The following ARHGAP20 variants were observed in gnomAD, a reference collection of about 807,000 sequenced individuals.
The protein encoded by ARHGAP20 is Rho GTPase activating protein 20.
A neutral mutation model predicts 73.7 loss-of-function variants in ARHGAP20; 34 were observed. The observed-to-expected ratio is 0.46, with a 90% CI of 0.35 to 0.61. The LOEUF (loss-of-function observed/expected upper bound fraction) is 0.61, where lower values mean the gene tolerates loss of function less well. Among genes scored for constraint, ARHGAP20 ranks in the 20% least tolerant of loss-of-function variants. The pLI is 0.00. For missense variants in ARHGAP20, 1,314 were observed against 1,420.9 expected, an observed-to-expected ratio of 0.92 and a Z score of 1.21; for synonymous variants, 523 against 518.2, an observed-to-expected ratio of 1.01 and a Z score of -0.13.
intron 14 of ARHGAP20, 37 bp downstream of exon 14, chr11:110,582,284 T>TA: frequency 6.7e-7 from 1 of 1,488,942 alleles, no homozygotes; most frequent in East Asian, 2.3e-5. Context: ...ACCATGTGTC[T>TA]GTTTCTCACA....
At chr11:110,682,202 G>C (rs1591173167) in intron 2 of ARHGAP20, among the ~76,000 whole-genome samples, 2 of 152,232 alleles carry the variant, frequency 1.3e-5, no homozygotes, top group East Asian at 3.9e-4. Flanking sequence ...GGTCTTCAAA[G>C]AGTCTCTCTA....
At chr11:110,672,570 G>A (rs780774028) in intron 2 of ARHGAP20, among the ~76,000 whole-genome samples, 3 of 151,652 alleles carry the variant, frequency 2.0e-5, no homozygotes, top group Non-Finnish European at 4.4e-5. Flanking sequence ...TCAGCCTCCC[G>A]AGTAGCTGGG....
intron 11 of ARHGAP20, among the ~76,000 whole-genome samples, chr11:110,589,919 G>C (rs1947778287): frequency 6.6e-6 from 1 of 152,128 alleles, no homozygotes; most frequent in South Asian, 2.1e-4. Flanking sequence ...TCAGGAATTA[G>C]AGACCAGCTG....
intron 12 of ARHGAP20, among the ~76,000 whole-genome samples, chr11:110,585,406 G>A (rs1163429697): frequency 5.3e-5 from 8 of 150,102 alleles, no homozygotes; most frequent in South Asian, 2.2e-4. Context: ...TTTGTTAAAC[G>A]GCCTTGGTTT....
In ARHGAP20 at chr11:110,583,562, C is replaced by T. The variant is rs374173338; in HGVS notation, c.1591G>A (p.Glu531Lys). The change falls in exon 13 of 15, where the codon GAA (glutamate) becomes AAA (lysine). Residue 531 changes from glutamate to lysine, a missense_variant. Glu to Lys is a moderately conservative substitution (Grantham distance 56, BLOSUM62 1). Transcript: ENST00000683387. The part of the protein sequence containing the change: ...PASSSPELEN[E>K]FTKKVSLLIQ... Reference sequence around the variant, plus strand: ...AACTTCATTACCTTTTTTGTAAATTCGTTTTCTAGTTCTGGGCTGGAGGAA... The same window carrying T: ...AACTTCATTACCTTTTTTGTAAATTTGTTTTCTAGTTCTGGGCTGGAGGAA... 2.6e-5 allele frequency: 41 copies of T among 1,594,144 alleles called. No individual in the cohort carries two copies. The highest frequency in any genetic ancestry group is 2.6e-4 in the African/African-American group (19 of 73,970).
In ARHGAP20 at chr11:110,578,563, G is replaced by T. The variant is rs1167800097; in HGVS notation, c.*807C>A. ...TCAGGAGGTCACCTTCTAAATAGAA[G>T]AAGTTGCATTTCTGAAGAATGTTCC... On this transcript the variant is annotated 3_prime_UTR_variant, in exon 15 of 15. Transcript: ENST00000683387. The T allele has an allele frequency of 2.0e-6, 2 of 985,308 alleles. No individual in the cohort carries two copies. The highest frequency in any genetic ancestry group is 3.5e-5 in the African/African-American group (2 of 57,232). The allele number at this position is 985,308 out of a possible 1,614,324, so 61.0% of individuals were successfully genotyped here.
At chr11:110,657,010 G>C (rs1444083144) in intron 2 of ARHGAP20, among the ~76,000 whole-genome samples, 1 of 152,184 alleles carries the variant, frequency 6.6e-6, no homozygotes, top group African/African-American at 2.4e-5. Context: ...AGAGGGGCTT[G>C]CTACTCTGAA....
intron 10 of ARHGAP20, among the ~76,000 whole-genome samples, chr11:110,591,666 G>A (rs745334186): frequency 5.3e-5 from 8 of 152,226 alleles, no homozygotes; most frequent in Non-Finnish European, 1.0e-4. Context: ...GATCAAAGAA[G>A]ACTTTGAGAA....
At position 110,611,368 on chromosome 11, in the gene ARHGAP20, T is replaced by C; in HGVS notation, c.649A>G (p.Met217Val). ...ACTTCATTCGCTGTATCTGAATTCA[T>C]TACTGTTATAGTTTTAGACTGTAGA... ...NCAYSKTITV[M>V]NSDTANEVIN... is the part of the protein sequence containing the mutation. Residue 217 changes from methionine (M) to valine (V), a missense_variant, in exon 7 of 15, where the codon ATG becomes GTG. By Grantham distance (21) the Met-to-Val change is conservative (BLOSUM62 1). This residue lies in a region of ARHGAP20 where 443 missense variants were observed against 466.4 expected (regional missense o/e 0.95). Coordinates refer to ENST00000683387, the MANE Select transcript of ARHGAP20 (RefSeq NM_001384657.1). The C allele has an allele frequency of 1.3e-6, 2 of 1,552,468 alleles. No individual in the cohort carries two copies. Among genetic ancestry groups the C allele is most frequent in the Non-Finnish European group, 1.8e-6 (2 of 1,141,500 alleles).
intron 1 of ARHGAP20, among the ~76,000 whole-genome samples, chr11:110,702,465 A>T (rs1369274374): frequency 6.6e-6 from 1 of 152,196 alleles, no homozygotes; most frequent in Non-Finnish European, 1.5e-5. Flanking sequence ...ATTCACTTTG[A>T]AAACTGGCAC....
At chr11:110,607,073 T>C (rs542050282) in intron 8 of ARHGAP20, among the ~76,000 whole-genome samples, 3 of 152,204 alleles carry the variant, frequency 2.0e-5, no homozygotes, top group Non-Finnish European at 4.4e-5. Flanking sequence ...CTAAAGGTAT[T>C]CTATTGTCTC....
chr11:110,678,796 G>A (rs1407244146), intron 2 of ARHGAP20, among the ~76,000 whole-genome samples: 2 of 152,014 alleles, frequency 1.3e-5, no homozygotes, highest in Non-Finnish European at 1.5e-5. Context: ...GAGTAGCTGG[G>A]ACTACAAGGT....
chr11:110,654,708 G>C (rs1214106233), intron 2 of ARHGAP20, among the ~76,000 whole-genome samples: 2 of 152,198 alleles, frequency 1.3e-5, no homozygotes, highest in Admixed American at 1.3e-4. Flanking sequence ...TTTCCAGACT[G>C]TGAGAAGTTT....
chr11:110,653,216 A>G (rs555082971), intron 2 of ARHGAP20, among the ~76,000 whole-genome samples: 38 of 152,220 alleles, frequency 2.5e-4, no homozygotes, highest in South Asian at 6.2e-4. Context: ...GCGAAAATTG[A>G]TAAGTGGGGT....
At chr11:110,705,515 A>T (rs1166388058) in intron 1 of ARHGAP20, among the ~76,000 whole-genome samples, 1 of 152,200 alleles carries the variant, frequency 6.6e-6, no homozygotes, top group East Asian at 1.9e-4. Flanking sequence ...TTCAAAATTA[A>T]TAATTACTTT....
chr11:110,674,744 T>C (rs148739858), intron 2 of ARHGAP20, among the ~76,000 whole-genome samples: 2 of 152,236 alleles, frequency 1.3e-5, no homozygotes, highest in Non-Finnish European at 2.9e-5. Context: ...TCAATACTAA[T>C]ATGTTGTTCT....
chr11:110,583,307 CT>C (rs1386800809), intron 13 of ARHGAP20, among the ~76,000 whole-genome samples: 3 of 152,100 alleles, frequency 2.0e-5, no homozygotes, highest in Non-Finnish European at 4.4e-5. Context: ...TTATCAGCTG[CT>C]TTATCACTTT....
At chr11:110,711,805 T>G in intron 1 of ARHGAP20, 1 of 1,341,868 alleles carries the variant, frequency 7.5e-7, no homozygotes, top group Non-Finnish European at 9.5e-7. Flanking sequence ...GATCGCCCAC[T>G]ACAGCCCGCG....
chr11:110,660,060 AC>A (rs1292563722), intron 2 of ARHGAP20, among the ~76,000 whole-genome samples: 71 of 135,966 alleles, frequency 5.2e-4, no homozygotes, highest in Admixed American at 1.8e-3. Context: ...ATAATAAAAA[AC>A]AAAAAAAAAA....
Sources: gnomAD v4.1 joint callset for allele counts (sites outside exome capture counted in the v4.1 genomes callset) on GRCh38, gnomAD v4.1.1 for gene constraint, gnomAD v4.1.1 regional missense constraint, MANE v1.5 for transcripts, NCBI Gene and HGNC (gene_info 2026-07-23, HGNC 2026-07-21) for gene names.